TRPM6: variants seen among roughly 807,000 people sequenced by gnomAD.
The protein encoded by TRPM6 is transient receptor potential cation channel subfamily M member 6, also known as channel kinase 2.
TRPM6 carries 111 observed loss-of-function variants against 247.6 expected under a neutral mutation model. That is an observed-to-expected ratio of 0.45 (90% CI 0.38 to 0.52). The LOEUF (loss-of-function observed/expected upper bound fraction) is 0.52. TRPM6 is among the 20% of genes least tolerant of loss of function. The pLI is 0.00. For missense variants in TRPM6, 2,126 were observed against 2,421.5 expected, an observed-to-expected ratio of 0.88 and a Z score of 2.56; for synonymous variants, 892 against 853.8, an observed-to-expected ratio of 1.04 and a Z score of -0.78.
chr9:74,781,739 C>T (rs6560408), intron 23 of TRPM6, among the ~76,000 whole-genome samples: 59,170 of 151,772 alleles, frequency 0.39, 11,689 homozygotes, highest in Middle Eastern at 0.44. Context: ...CACTTGCTAT[C>T]CTTTCATAAT....
chr9:74,851,774 A>G (rs548542419), intron 3 of TRPM6, among the ~76,000 whole-genome samples: 1,921 of 141,978 alleles, frequency 0.014, 26 homozygotes, highest in Admixed American at 0.024. Context: ...ATATATATAT[A>G]TAATACATAT....
chr9:74,852,411 GCTCCCGCTCCCT>G (rs534403460), intron 3 of TRPM6, among the ~76,000 whole-genome samples: 2,808 of 148,736 alleles, frequency 0.019, 32 homozygotes, highest in Middle Eastern at 0.031. Flanking sequence ...AAAGTGTCCC[GCTCCCGCTCCCT>G]CTCCCGCTCC....
In TRPM6 at chr9:74,834,105, C is replaced by T. The variant is rs1231194512; in HGVS notation, c.562G>A (p.Gly188Arg). 1 of 1,614,004 alleles carries T rather than the reference C, an allele frequency of 6.2e-7. No homozygotes were observed. Residue 188 changes from glycine to arginine, a missense_variant, in exon 6 of 39, where the codon GGG becomes AGG. By Grantham distance (125) the Gly-to-Arg change is moderately radical (BLOSUM62 -2). Transcript: ENST00000360774. ...GINTGVSKHV[G>R]DALKSHSSHS... ...GAGGAATGGGATTTCAAGGCATCCC[C>T]AACATGCTTGGACACTCCTATGAAC...
At chr9:74,803,638 G>T (rs1828422562) in intron 15 of TRPM6, among the ~76,000 whole-genome samples, 156 bp downstream of exon 15, 1 of 152,148 alleles carries the variant, frequency 6.6e-6, no homozygotes, top group African/African-American at 2.4e-5. Flanking sequence ...TGTTGTTACT[G>T]GACAGCTGTG....
At chr9:74,788,528 C>G in intron 20 of TRPM6, 86 bp downstream of exon 20, 2 of 1,529,620 alleles carry the variant, frequency 1.3e-6, no homozygotes, top group Admixed American at 3.3e-5. Flanking sequence ...TGTCCATTTT[C>G]ATCACCAGAG....
intron 1 of TRPM6, among the ~76,000 whole-genome samples, chr9:74,861,272 C>T (rs1016286389): frequency 6.6e-6 from 1 of 152,142 alleles, no homozygotes; most frequent in Non-Finnish European, 1.5e-5. Context: ...GGCCCCCACG[C>T]TGCATGCTGG....
intron 6 of TRPM6, among the ~76,000 whole-genome samples, chr9:74,830,314 C>T (rs1461301080): frequency 1.3e-5 from 2 of 151,300 alleles, no homozygotes; most frequent in Admixed American, 6.6e-5. Flanking sequence ...AAACAGAATA[C>T]TCAGAACTCA....
chr9:74,746,730 A>C (rs2118768096), intron 31 of TRPM6, among the ~76,000 whole-genome samples: 1 of 152,048 alleles, frequency 6.6e-6, no homozygotes, highest in South Asian at 2.1e-4. Flanking sequence ...GACAAACTCA[A>C]GGGCAAACGA....
Position 74,800,565 on chromosome 9 carries a change from A to G in TRPM6, c.2010-83T>C, listed in dbSNP as rs1467547744. On this transcript the variant is annotated intron_variant, in intron 16 of 38. Coordinates refer to ENST00000360774, the MANE Select transcript of TRPM6 (RefSeq NM_017662.5). ...GAAACATTTTAGAACATTTAGAAAC[A>G]TTGTAAAAGATTGGATGTGAGGCTC... is the stretch of plus-strand genomic sequence containing the variant. The G allele has an allele frequency of 7.5e-6, 7 of 937,774 alleles. No individual in the cohort carries two copies. The Middle Eastern group carries it at 6.8e-4, about 91-fold the overall frequency. 58.1% of individuals were successfully genotyped at this position (937,774 alleles called of 1,614,324 possible). A position where few individuals can be genotyped will look rare whatever the true frequency, so the allele number is the denominator to read the frequency against.
intron 36 of TRPM6, chr9:74,737,307 C>A: frequency 1.7e-6 from 2 of 1,201,960 alleles, no homozygotes; most frequent in Non-Finnish European, 2.2e-6. Context: ...TGTGTCACAT[C>A]CTTGAGCATG....
rs79962827 is a variant in TRPM6, at chr9:74,785,343, T to C, written c.2919+531A>G. Among the ~76,000 whole-genome samples the C allele has an allele frequency of 4.4e-3, 674 of 152,238 alleles. 5 individuals carry two copies. The highest frequency in any genetic ancestry group is 0.015 in the African/African-American group (621 of 41,554). ...GACTATAGTTAATAATAATTAAATG[T>C]ACATTTAAAAATAACTAAAAGAGTA... On this transcript the variant is annotated intron_variant, in intron 21 of 38. Transcript: ENST00000360774.
intron 1 of TRPM6, among the ~76,000 whole-genome samples, chr9:74,872,736 C>T (rs773879528): frequency 3.9e-5 from 6 of 151,996 alleles, no homozygotes; most frequent in Non-Finnish European, 8.8e-5. Context: ...TCTCAAAGTG[C>T]TGGAATTACA....
At chr9:74,856,459 G>GTGTGTC (rs1554729597) in intron 2 of TRPM6, among the ~76,000 whole-genome samples, 5 of 106,468 alleles carry the variant, frequency 4.7e-5, no homozygotes, top group African/African-American at 1.9e-4. Flanking sequence ...GTGTGTGTGT[G>GTGTGTC]TGTGTGTCTG....
intron 27 of TRPM6, among the ~76,000 whole-genome samples, chr9:74,758,866 C>T (rs1476568508): frequency 6.6e-6 from 1 of 152,070 alleles, no homozygotes; most frequent in Non-Finnish European, 1.5e-5. Flanking sequence ...ATGACATGGT[C>T]ATGTATACAG....
At chr9:74,871,224 G>A (rs1831019223) in intron 1 of TRPM6, among the ~76,000 whole-genome samples, 1 of 152,064 alleles carries the variant, frequency 6.6e-6, no homozygotes, top group Non-Finnish European at 1.5e-5. Context: ...AATCCGGGAA[G>A]TACATCAGGT....
At position 74,739,987 on chromosome 9, in the gene TRPM6, G is replaced by A. The variant is rs1252685523; in HGVS notation, c.5223C>T (p.Tyr1741=). The A allele has an allele frequency of 1.1e-5, 18 of 1,614,108 alleles. No individual in the cohort carries two copies. Among genetic ancestry groups the A allele is most frequent in the East Asian group, 2.2e-5 (1 of 44,866 alleles). The stretch of plus-strand genomic sequence containing the variant: ...TTAAAGGGGAACTCTCCTCCAACCT[G>A]TAGACAGTTATTTCTTCTCCTGCTG... ...QLFAGEEITV[Y]RLEESSPLNL... The change falls in exon 34 of 39, where the codon TAC becomes TAT. Residue 1741 remains tyrosine (Y), a synonymous_variant. Coordinates refer to ENST00000360774, the MANE Select transcript of TRPM6 (RefSeq NM_017662.5).
intron 30 of TRPM6, among the ~76,000 whole-genome samples, chr9:74,750,463 G>T (rs1383023262): frequency 6.6e-6 from 1 of 152,154 alleles, no homozygotes; most frequent in Non-Finnish European, 1.5e-5. Context: ...TTCTTAAAAG[G>T]AACTCAGGTG....
rs1828286564 is a variant in TRPM6, at chr9:74,800,488, A to G, written c.2010-6T>C. On this transcript the variant is annotated splice_polypyrimidine_tract_variant and splice_region_variant and intron_variant, in intron 16 of 38. Coordinates refer to ENST00000360774, the MANE Select transcript of TRPM6 (RefSeq NM_017662.5). ...GAGCCAGCTGGCCAAACTGTCTGCC[A>G]TGAGGGTGGCCAATTAAGAAAACAA... The G allele has an allele frequency of 1.2e-6, 2 of 1,611,668 alleles. No individual in the cohort carries two copies. Among genetic ancestry groups the G allele is most frequent in the East Asian group, 2.2e-5 (1 of 44,846 alleles).
chr9:74,777,475 G>T lies in TRPM6; in HGVS notation c.3210-1399C>A, dbSNP rs538637717. Among the ~76,000 whole-genome samples the T allele has an allele frequency of 3.3e-4, 50 of 152,270 alleles. No individual in the cohort carries two copies. The South Asian group carries it at 1.0e-2, about 30-fold the overall frequency. On this transcript the variant is annotated intron_variant, in intron 23 of 38. Coordinates refer to ENST00000360774, the MANE Select transcript of TRPM6 (RefSeq NM_017662.5). ...TTTTTGACACTGGACATTTGTTGTT[G>T]TTGTTGGCCAGGAGGCTCACAAAGA... is the stretch of plus-strand genomic sequence containing the variant.
Sources: allele counts gnomAD v4.1 joint callset (sites outside exome capture counted in the v4.1 genomes callset), GRCh38; gene constraint gnomAD v4.1.1; transcripts MANE v1.5; gene names NCBI Gene and HGNC (gene_info 2026-07-23, HGNC 2026-07-21).